NPAS3: variants seen among roughly 807,000 people sequenced by gnomAD.
The protein encoded by NPAS3 is neuronal PAS domain protein 3.
In NPAS3, 14 loss-of-function variants were observed where a neutral mutation model predicts 73.1. That is an observed-to-expected ratio of 0.19 (90% CI 0.13 to 0.30). NPAS3 has a LOEUF of 0.30. Ranked by LOEUF, NPAS3 falls within the 10% of genes least tolerant of loss-of-function variation. NPAS3 has a pLI of 1.00. For synonymous variants in NPAS3, 620 were observed against 541.5 expected (o/e 1.14, Z -2.01); for missense variants, 1,096 against 1,250.0 (o/e 0.88, Z 1.86).
intron 6 of NPAS3, among the ~76,000 whole-genome samples, chr14:33,710,559 C>T (rs771208642): frequency 3.3e-5 from 5 of 152,178 alleles, no homozygotes; most frequent in Non-Finnish European, 7.3e-5. Context: ...GGCTGGAAAA[C>T]GAATGGCTCA....
chr14:33,430,615 A>G (rs1270850019), intron 4 of NPAS3, among the ~76,000 whole-genome samples: 2 of 152,156 alleles, frequency 1.3e-5, no homozygotes, highest in African/African-American at 2.4e-5. Flanking sequence ...TTTTGCTGAC[A>G]CTTTGATATT....
intron 4 of NPAS3, among the ~76,000 whole-genome samples, chr14:33,421,464 T>A (rs1309062331): frequency 6.6e-6 from 1 of 151,802 alleles, no homozygotes; most frequent in Non-Finnish European, 1.5e-5. Context: ...GGATTTCTAA[T>A]GACCTTAAGT....
At chr14:33,120,006 T>C (rs930089355) in intron 2 of NPAS3, among the ~76,000 whole-genome samples, 2 of 134,030 alleles carry the variant, frequency 1.5e-5, no homozygotes, top group African/African-American at 5.5e-5. Flanking sequence ...TACTTTCAGA[T>C]ACTTTGTTTT....
chr14:33,643,925 T>G (rs1264606464), intron 5 of NPAS3, among the ~76,000 whole-genome samples: 1 of 152,184 alleles, frequency 6.6e-6, no homozygotes, highest in Non-Finnish European at 1.5e-5. Context: ...TCTTGTCATT[T>G]CTCTTGTATA....
At chr14:33,671,099 T>G (rs563613914) in intron 5 of NPAS3, among the ~76,000 whole-genome samples, 85 of 152,316 alleles carry the variant, frequency 5.6e-4, no homozygotes, top group Non-Finnish European at 9.8e-4. Flanking sequence ...CTAAGCATTC[T>G]CTTAAGTTGT....
intron 4 of NPAS3, among the ~76,000 whole-genome samples, chr14:33,518,522 C>T (rs1204383109): frequency 6.6e-6 from 1 of 151,698 alleles, no homozygotes; most frequent in Non-Finnish European, 1.5e-5. Context: ...TGCTTTATTG[C>T]AATGCCTCAT....
At chr14:33,791,180 G>A (rs957312162) in intron 9 of NPAS3, among the ~76,000 whole-genome samples, 2 of 152,116 alleles carry the variant, frequency 1.3e-5, no homozygotes, top group South Asian at 2.1e-4. Context: ...CTCTTCAGCC[G>A]CCCACGGTGG....
intron 4 of NPAS3, among the ~76,000 whole-genome samples, chr14:33,390,227 A>G (rs1419461126): frequency 6.6e-6 from 1 of 152,186 alleles, no homozygotes; most frequent in Non-Finnish European, 1.5e-5. Flanking sequence ...TTTATAGCAG[A>G]AAAGAGAATA....
chr14:33,494,446 A>T (rs555540514), intron 4 of NPAS3, among the ~76,000 whole-genome samples: 10 of 152,154 alleles, frequency 6.6e-5, no homozygotes, highest in African/African-American at 2.2e-4. Flanking sequence ...GGACGTACTG[A>T]CTGTGAGGTT....
chr14:33,305,917 G>A (rs1749974), intron 3 of NPAS3, among the ~76,000 whole-genome samples: 9 of 152,146 alleles, frequency 5.9e-5, no homozygotes, highest in Non-Finnish European at 1.3e-4. Flanking sequence ...TGTAGGCCCA[G>A]CAAAACATTA....
At chr14:33,651,554 C>A (rs2058994374) in intron 5 of NPAS3, among the ~76,000 whole-genome samples, 1 of 151,790 alleles carries the variant, frequency 6.6e-6, no homozygotes, top group Non-Finnish European at 1.5e-5. Context: ...ATTAAAAAAA[C>A]CCACAAGTAT....
chr14:33,493,841 GC>G (rs2052029852), intron 4 of NPAS3, among the ~76,000 whole-genome samples: 1 of 152,012 alleles, frequency 6.6e-6, no homozygotes, highest in African/African-American at 2.4e-5. Flanking sequence ...AGATAAAAAG[GC>G]TCCTTTTTTG....
intron 7 of NPAS3, among the ~76,000 whole-genome samples, chr14:33,745,963 T>C (rs2061778257): frequency 6.6e-6 from 1 of 151,986 alleles, no homozygotes; most frequent in Admixed American, 6.6e-5. Flanking sequence ...AAAGGACCAA[T>C]TTGAGGTTGT....
At chr14:33,753,839 C>T (rs186795503) in intron 7 of NPAS3, among the ~76,000 whole-genome samples, 163 of 152,254 alleles carry the variant, frequency 1.1e-3, no homozygotes, top group Admixed American at 1.8e-3. Context: ...GTCCATGCTA[C>T]AAGAGCAACA....
At chr14:33,639,492 C>T (rs1315099634) in intron 5 of NPAS3, among the ~76,000 whole-genome samples, 2 of 151,980 alleles carry the variant, frequency 1.3e-5, no homozygotes, top group Non-Finnish European at 2.9e-5. Context: ...AATATGGCTC[C>T]TAGGATGGAG....
At chr14:33,287,007 G>T (rs1338347029) in intron 3 of NPAS3, among the ~76,000 whole-genome samples, 2 of 151,892 alleles carry the variant, frequency 1.3e-5, no homozygotes, top group African/African-American at 2.4e-5. Flanking sequence ...AGCAATGCTC[G>T]GGAAAAAATC....
intron 10 of NPAS3, among the ~76,000 whole-genome samples, chr14:33,796,574 A>G (rs2063518679): frequency 6.6e-6 from 1 of 152,180 alleles, no homozygotes. Context: ...GCTAGCCATC[A>G]TGGAAAAATC....
chr14:33,797,526 A>G (rs2138662402), exon 11 of NPAS3: 1 of 1,613,960 alleles, frequency 6.2e-7, no homozygotes, highest in Non-Finnish European at 8.5e-7. Context: ...AAACTTCCGA[A>G]TCCTCGGAGA....
At chr14:33,652,461 A>G (rs531362113) in intron 5 of NPAS3, among the ~76,000 whole-genome samples, 1 of 152,346 alleles carries the variant, frequency 6.6e-6, no homozygotes, top group Admixed American at 6.5e-5. Flanking sequence ...ATCTCTGGGC[A>G]CCGACAGAAA....
Sources: gnomAD v4.1 joint callset for allele counts (sites outside exome capture counted in the v4.1 genomes callset) on GRCh38, gnomAD v4.1.1 for gene constraint, MANE v1.5 for transcripts, NCBI Gene and HGNC (gene_info 2026-07-23, HGNC 2026-07-21) for gene names.